Variants in COL19A1 observed in about 807,000 individuals in gnomAD.
COL19A1 encodes collagen type XIX alpha 1 chain.
COL19A1 carries 159 observed loss-of-function variants against 190.2 expected under a neutral mutation model. The observed-to-expected ratio is 0.84, with a 90% CI of 0.73 to 0.95. The LOEUF is 0.95. Among genes scored for constraint, COL19A1 ranks in the 40% least tolerant of loss-of-function variants. The probability of loss-of-function intolerance (pLI) is 0.00; values close to 1 mark genes in which losing one functional copy is unlikely to be tolerated. For missense variants in COL19A1, 1,418 were observed against 1,431.9 expected (o/e 0.99, Z 0.16); for synonymous variants, 509 against 458.9 (o/e 1.11, Z -1.39).
intron 15 of COL19A1, among the ~76,000 whole-genome samples, chr6:70,087,423 G>A (rs527356230): frequency 6.6e-6 from 1 of 152,252 alleles, no homozygotes; most frequent in South Asian, 2.1e-4. Flanking sequence ...GGTAGGGGAA[G>A]CAGCAGGTGC....
At chr6:69,902,712 T>C (rs1256537022) in intron 4 of COL19A1, among the ~76,000 whole-genome samples, 2 of 152,138 alleles carry the variant, frequency 1.3e-5, no homozygotes, top group Admixed American at 6.5e-5. Flanking sequence ...ACAGACAGCA[T>C]ATATGTTCCC....
chr6:70,033,109 GT>G (rs766442563), intron 12 of COL19A1, among the ~76,000 whole-genome samples: 36 of 151,874 alleles, frequency 2.4e-4, no homozygotes, highest in South Asian at 2.1e-4. Flanking sequence ...GCAACTAGAA[GT>G]TTTTTTTGCC....
chr6:69,998,014 A>T (rs1378284278), intron 11 of COL19A1, among the ~76,000 whole-genome samples: 1 of 152,190 alleles, frequency 6.6e-6, no homozygotes, highest in African/African-American at 2.4e-5. Flanking sequence ...TGAAAACACA[A>T]TAAGAATATA....
chr6:70,040,297 C>T (rs546170987), intron 14 of COL19A1, among the ~76,000 whole-genome samples: 2 of 151,934 alleles, frequency 1.3e-5, no homozygotes, highest in African/African-American at 4.8e-5. Context: ...GTGAGGGTGA[C>T]CAAGTTTAAA....
chr6:69,938,541 A>C (rs1171095073), intron 9 of COL19A1, among the ~76,000 whole-genome samples: 1 of 151,682 alleles, frequency 6.6e-6, no homozygotes, highest in African/African-American at 2.4e-5. Flanking sequence ...TCTGTGTATG[A>C]GGTATGTTGC....
At position 70,184,949 on chromosome 6, in the gene COL19A1, T is replaced by G; in HGVS notation, c.2856+34T>G. ...ATTACTATTGTGATTGTTATTCAAG[T>G]CTGTCTGTTACAACTGTCCCATCAT... On this transcript the variant is annotated intron_variant, in intron 46 of 50. Transcript: ENST00000620364. 3 of 1,594,224 alleles carry G rather than the reference T, an allele frequency of 1.9e-6. No homozygotes were observed. In the East Asian group the frequency reaches 6.7e-5, roughly 36 times the overall value.
intron 49 of COL19A1, among the ~76,000 whole-genome samples, chr6:70,204,904 T>A (rs1767766684): frequency 6.6e-6 from 1 of 152,180 alleles, no homozygotes. Context: ...GTTTAAGTAA[T>A]GGATTTGGGA....
chr6:70,145,008 G>A lies in COL19A1; in HGVS notation c.1770+1G>A, dbSNP rs370291010. 8 of 1,571,974 alleles carry A rather than the reference G, an allele frequency of 5.1e-6. No individual in the cohort carries two copies. Among genetic ancestry groups the A allele is most frequent in the Non-Finnish European group, 6.9e-6 (8 of 1,156,910 alleles). Reference sequence around the variant, plus strand: ...AGGGAAAAGCCTGCCAGGGGAACCAGTAAGTATTAGCCCTTTTGTTAATAT... The same window carrying A: ...AGGGAAAAGCCTGCCAGGGGAACCAATAAGTATTAGCCCTTTTGTTAATAT... On this transcript the variant is annotated splice_donor_variant, in intron 25 of 50. Coordinates refer to ENST00000620364, the MANE Select transcript of COL19A1 (RefSeq NM_001858.6). LOFTEE classifies it high-confidence loss of function.
intron 9 of COL19A1, among the ~76,000 whole-genome samples, chr6:69,944,658 A>G (rs766488833): frequency 1.5e-4 from 23 of 152,142 alleles, no homozygotes; most frequent in Non-Finnish European, 1.9e-4. Context: ...AGTTTTGGCA[A>G]AACTTAATAT....
At chr6:70,019,431 G>A (rs1778299427) in intron 11 of COL19A1, among the ~76,000 whole-genome samples, 1 of 152,048 alleles carries the variant, frequency 6.6e-6, no homozygotes, top group Non-Finnish European at 1.5e-5. Flanking sequence ...CAAATTTTAT[G>A]TATAATATTT....
chr6:69,888,929 C>T, intron 2 of COL19A1, among the ~76,000 whole-genome samples: 1 of 151,890 alleles, frequency 6.6e-6, no homozygotes, highest in African/African-American at 2.4e-5. Flanking sequence ...ATTCCTTTGT[C>T]AGATGTATTG....
At chr6:69,968,775 T>C (rs1398633464) in intron 11 of COL19A1, among the ~76,000 whole-genome samples, 1 of 152,108 alleles carries the variant, frequency 6.6e-6, no homozygotes, top group Admixed American at 6.6e-5. Context: ...TGGTATTGAG[T>C]GAGAAAAAGC....
chr6:69,902,827 G>A (rs1379966617), intron 4 of COL19A1, among the ~76,000 whole-genome samples: 2 of 152,114 alleles, frequency 1.3e-5, no homozygotes, highest in African/African-American at 2.4e-5. Context: ...GCACTCTCAC[G>A]CCAGGGGGCC....
At chr6:69,904,731 A>C (rs9346362) in intron 4 of COL19A1, among the ~76,000 whole-genome samples, 131,083 of 152,194 alleles carry the variant, frequency 0.86, 56,982 homozygotes, top group East Asian at 1. Flanking sequence ...CTCAAGGTCA[A>C]ACTTACAGCT....
intron 2 of COL19A1, among the ~76,000 whole-genome samples, chr6:69,886,844 T>C (rs1396312697): frequency 6.6e-6 from 1 of 152,234 alleles, no homozygotes; most frequent in Non-Finnish European, 1.5e-5. Context: ...CACCTTGTGA[T>C]AGCTATTTCC....
At chr6:69,936,008 A>G (rs1773078908) in intron 7 of COL19A1, among the ~76,000 whole-genome samples, 1 of 152,102 alleles carries the variant, frequency 6.6e-6, no homozygotes, top group South Asian at 2.1e-4. Flanking sequence ...TAATGTATTA[A>G]CTCTCTCCTA....
At chr6:69,943,099 G>A (rs1034819192) in intron 9 of COL19A1, among the ~76,000 whole-genome samples, 3 of 151,986 alleles carry the variant, frequency 2.0e-5, no homozygotes, top group Non-Finnish European at 2.9e-5. Flanking sequence ...CTAAACTAGG[G>A]TAAGATGATA....
chr6:70,065,209 A>G (rs1444186211), intron 14 of COL19A1, among the ~76,000 whole-genome samples: 5 of 152,214 alleles, frequency 3.3e-5, no homozygotes, highest in African/African-American at 9.6e-5. Flanking sequence ...TTCAGACTCT[A>G]CTACAAGGCT....
At chr6:69,923,906 A>G (rs1038177505) in intron 4 of COL19A1, among the ~76,000 whole-genome samples, 1 of 152,204 alleles carries the variant, frequency 6.6e-6, no homozygotes, top group African/African-American at 2.4e-5. Flanking sequence ...TAACTATTCA[A>G]TCATTAGTTG....
Sources: gnomAD v4.1 joint callset for allele counts (sites outside exome capture counted in the v4.1 genomes callset) on GRCh38, gnomAD v4.1.1 for gene constraint, MANE v1.5 for transcripts, NCBI Gene and HGNC (gene_info 2026-07-23, HGNC 2026-07-21) for gene names.